PTPRM: variants seen among roughly 807,000 people sequenced by gnomAD.
PTPRM encodes the protein protein tyrosine phosphatase receptor type M.
PTPRM carries 47 observed loss-of-function variants against 186.7 expected under a neutral mutation model. The observed-to-expected ratio is 0.25, with a 90% CI of 0.20 to 0.32. The LOEUF (loss-of-function observed/expected upper bound fraction) is 0.32. Among genes scored for constraint, PTPRM ranks in the 10% least tolerant of loss-of-function variants. The pLI is 1.00. For missense variants in PTPRM, 1,494 were observed against 1,865.0 expected, an observed-to-expected ratio of 0.80 and a Z score of 3.66; for synonymous variants, 668 against 674.9, an observed-to-expected ratio of 0.99 and a Z score of 0.16.
At chr18:7,732,769 C>T (rs909018192) in intron 1 of PTPRM, among the ~76,000 whole-genome samples, 1 of 152,114 alleles carries the variant, frequency 6.6e-6, no homozygotes, top group South Asian at 2.1e-4. Context: ...CTTCCAAAAA[C>T]GCTGAGATTT....
intron 2 of PTPRM, among the ~76,000 whole-genome samples, chr18:7,812,726 T>G (rs2044595052): frequency 6.6e-6 from 1 of 152,178 alleles, no homozygotes; most frequent in Admixed American, 6.5e-5. Flanking sequence ...GGAAAGTTTT[T>G]TTTTTTTTTT....
At chr18:7,916,590 G>C (rs1227054635) in intron 4 of PTPRM, among the ~76,000 whole-genome samples, 7 of 152,000 alleles carry the variant, frequency 4.6e-5, no homozygotes, top group African/African-American at 1.7e-4. Flanking sequence ...CAGACAGAGG[G>C]GGAAAGAGCT....
intron 14 of PTPRM, among the ~76,000 whole-genome samples, chr18:8,172,374 G>A (rs552013801): frequency 6.6e-6 from 1 of 150,766 alleles, no homozygotes; most frequent in South Asian, 2.1e-4. Flanking sequence ...TAGCCTGTTA[G>A]TAGCTGTGTC....
chr18:8,354,941 T>C lies in PTPRM; in HGVS notation c.3054+11421T>C, dbSNP rs558752139. Reference sequence around the variant, plus strand: ...ATTATAATGGTTGGGAGTGTGTTTTTAGTGATAGAGTAGACATAAGAGTAA... The same window carrying C: ...ATTATAATGGTTGGGAGTGTGTTTTCAGTGATAGAGTAGACATAAGAGTAA... On this transcript the variant is annotated intron_variant, in intron 23 of 32. Coordinates refer to ENST00000580170, the MANE Select transcript of PTPRM (RefSeq NM_001105244.2). Among the ~76,000 whole-genome samples the C allele has an allele frequency of 2.6e-5, 4 of 152,314 alleles. No individual in the cohort carries two copies. In the East Asian group the frequency reaches 7.7e-4, roughly 29 times the overall value.
chr18:7,988,414 C>A (rs1188790125), intron 7 of PTPRM, among the ~76,000 whole-genome samples: 3 of 152,026 alleles, frequency 2.0e-5, no homozygotes, highest in Admixed American at 1.3e-4. Flanking sequence ...ATAAAGTATA[C>A]ATAAAAATAT....
intron 1 of PTPRM, among the ~76,000 whole-genome samples, chr18:7,612,826 C>G (rs932979401): frequency 6.6e-6 from 1 of 152,102 alleles, no homozygotes; most frequent in Non-Finnish European, 1.5e-5. Flanking sequence ...TGCAAGAAGG[C>G]TTTGTAAAAT....
intron 1 of PTPRM, among the ~76,000 whole-genome samples, chr18:7,584,726 G>T (rs895245857): frequency 6.6e-6 from 1 of 152,216 alleles, no homozygotes; most frequent in Non-Finnish European, 1.5e-5. Flanking sequence ...TTCAAGAGTT[G>T]TTTGCAAGGC....
intron 14 of PTPRM, among the ~76,000 whole-genome samples, chr18:8,221,356 C>T (rs929537100): frequency 2.0e-5 from 3 of 152,132 alleles, no homozygotes; most frequent in African/African-American, 7.2e-5. Flanking sequence ...ATCCCAAGTA[C>T]CTAGCCCAGT....
chr18:8,163,203 T>C (rs575820634), intron 14 of PTPRM, among the ~76,000 whole-genome samples: 9 of 152,342 alleles, frequency 5.9e-5, no homozygotes, highest in African/African-American at 2.2e-4. Flanking sequence ...ACCTATTCAT[T>C]TGAATCTCCA....
chr18:8,134,339 G>A (rs536842720), intron 13 of PTPRM, among the ~76,000 whole-genome samples: 18 of 152,172 alleles, frequency 1.2e-4, no homozygotes, highest in East Asian at 3.9e-4. Context: ...AATGCCCACC[G>A]TGTTAAAGAG....
chr18:8,142,101 A>C (rs889290928), intron 13 of PTPRM, among the ~76,000 whole-genome samples: 1 of 152,240 alleles, frequency 6.6e-6, no homozygotes, highest in African/African-American at 2.4e-5. Context: ...TAATACCTTA[A>C]AGATTTAACT....
At position 7,865,928 on chromosome 18, in the gene PTPRM, C is replaced by T. The variant is rs559050648; in HGVS notation, c.197-22178C>T. 7.9e-5 allele frequency among the ~76,000 whole-genome samples: 12 copies of T among 152,078 alleles called. No individual in the cohort carries two copies. The East Asian group carries it at 1.9e-3, about 24-fold the overall frequency. On this transcript the variant is annotated intron_variant, in intron 2 of 32. Transcript: ENST00000580170. Reference sequence around the variant, plus strand: ...TTAGACTTGGGAGGGTGTATGAGTCCAGTAATTTATCCATTTCTTCTAGAT... The same window carrying T: ...TTAGACTTGGGAGGGTGTATGAGTCTAGTAATTTATCCATTTCTTCTAGAT...
intron 7 of PTPRM, among the ~76,000 whole-genome samples, chr18:7,984,553 G>A (rs1385795415): frequency 9.7e-6 from 1 of 103,586 alleles, no homozygotes; most frequent in Non-Finnish European, 2.0e-5. Flanking sequence ...ATACATATAT[G>A]CCCCATATAT....
At chr18:8,072,702 C>A (rs1350713322) in intron 8 of PTPRM, among the ~76,000 whole-genome samples, 2 of 151,764 alleles carry the variant, frequency 1.3e-5, no homozygotes, top group South Asian at 2.1e-4. Context: ...CAGTTTTTTT[C>A]ATCAGAAATT....
intron 2 of PTPRM, among the ~76,000 whole-genome samples, chr18:7,864,522 T>C (rs1212898703): frequency 6.6e-6 from 1 of 152,210 alleles, no homozygotes; most frequent in Non-Finnish European, 1.5e-5. Context: ...TGTGGTGTTA[T>C]TTCTGAGACC....
intron 1 of PTPRM, among the ~76,000 whole-genome samples, chr18:7,761,775 C>CA (rs1235869916): frequency 6.6e-6 from 1 of 152,148 alleles, no homozygotes; most frequent in Non-Finnish European, 1.5e-5. Flanking sequence ...TAGTGCCTGA[C>CA]ATCATGCCTG....
intron 23 of PTPRM, among the ~76,000 whole-genome samples, chr18:8,354,751 T>G (rs567408763): frequency 1.6e-4 from 25 of 152,212 alleles, no homozygotes; most frequent in Admixed American, 9.2e-4. Context: ...TGGAGATGTC[T>G]TTGGTACGTA....
chr18:7,890,129 A>G (rs73941027), intron 3 of PTPRM, among the ~76,000 whole-genome samples: 5,063 of 152,300 alleles, frequency 0.033, 282 homozygotes, highest in African/African-American at 0.12. Context: ...AACAGTATTG[A>G]AAATACTCAA....
chr18:7,593,565 A>G (rs1187858245), intron 1 of PTPRM, among the ~76,000 whole-genome samples: 1 of 152,178 alleles, frequency 6.6e-6, no homozygotes, highest in Non-Finnish European at 1.5e-5. Context: ...AGCTTCCCCC[A>G]TGTACATGAC....
Sources: allele counts gnomAD v4.1 joint callset (sites outside exome capture counted in the v4.1 genomes callset), GRCh38; gene constraint gnomAD v4.1.1; transcripts MANE v1.5; gene names NCBI Gene and HGNC (gene_info 2026-07-23, HGNC 2026-07-21).